The following PTPRM variants were observed in gnomAD, a reference collection of about 807,000 sequenced individuals.
PTPRM encodes receptor-type tyrosine-protein phosphatase mu.
A neutral mutation model predicts 186.7 loss-of-function variants in PTPRM; 47 were observed. That is an observed-to-expected ratio of 0.25 (90% CI 0.20 to 0.32). The LOEUF (loss-of-function observed/expected upper bound fraction) is 0.32, where lower values mean the gene tolerates loss of function less well. Ranked by LOEUF, PTPRM falls within the 10% of genes least tolerant of loss-of-function variation. The pLI is 1.00. For synonymous variants in PTPRM, 668 were observed against 674.9 expected (o/e 0.99, Z 0.16); for missense variants, 1,494 against 1,865.0 (o/e 0.80, Z 3.66).
chr18:8,191,174 T>C (rs2093704424), intron 14 of PTPRM, among the ~76,000 whole-genome samples: 1 of 152,172 alleles, frequency 6.6e-6, no homozygotes, highest in Non-Finnish European at 1.5e-5. Context: ...TTTATGGGCT[T>C]GCCCAGCCAG....
intron 2 of PTPRM, among the ~76,000 whole-genome samples, chr18:7,853,087 A>G (rs753306458): frequency 6.6e-6 from 1 of 151,976 alleles, no homozygotes; most frequent in Non-Finnish European, 1.5e-5. Context: ...AAAAGACATC[A>G]TGTTGCCTAA....
chr18:7,663,372 C>T (rs192042179), intron 1 of PTPRM, among the ~76,000 whole-genome samples: 1 of 152,272 alleles, frequency 6.6e-6, no homozygotes, highest in Admixed American at 6.5e-5. Context: ...GGGCAGTGTT[C>T]TAGGCACTGG....
intron 1 of PTPRM, among the ~76,000 whole-genome samples, chr18:7,713,645 G>T (rs1020917088): frequency 1.3e-5 from 2 of 148,836 alleles, no homozygotes; most frequent in East Asian, 2.0e-4. Context: ...GCAAAAACAC[G>T]CATAGGCTCA....
At chr18:7,842,945 TATAGAG>T (rs1309531436) in intron 2 of PTPRM, among the ~76,000 whole-genome samples, 4 of 115,122 alleles carry the variant, frequency 3.5e-5, no homozygotes, top group Non-Finnish European at 6.7e-5. Context: ...TATATATATA[TATAGAG>T]AGAGAGAGAG....
At chr18:8,181,940 G>C (rs975475361) in intron 14 of PTPRM, among the ~76,000 whole-genome samples, 3 of 152,286 alleles carry the variant, frequency 2.0e-5, no homozygotes, top group South Asian at 2.1e-4. Context: ...TCAATTTTAA[G>C]ATGAAGATGA....
At chr18:8,076,305 T>C in intron 8 of PTPRM, 150 bp from the exon 9 acceptor site, 1 of 590,512 alleles carries the variant, frequency 1.7e-6, no homozygotes, top group Non-Finnish European at 3.0e-6. Flanking sequence ...GCTAAAATTG[T>C]TTAAGATTCC....
chr18:7,996,699 T>C (rs1377408282), intron 7 of PTPRM, among the ~76,000 whole-genome samples: 1 of 150,860 alleles, frequency 6.6e-6, no homozygotes, highest in East Asian at 2.0e-4. Context: ...TGATGCAGGG[T>C]ACAATATCAA....
intron 7 of PTPRM, among the ~76,000 whole-genome samples, chr18:8,009,532 A>AC (rs1243873474): frequency 3.3e-5 from 5 of 151,970 alleles, no homozygotes; most frequent in Admixed American, 6.6e-5. Context: ...ATGTGGTGAG[A>AC]CCCCGTCTCT....
At chr18:8,289,489 C>T (rs1249893618) in intron 19 of PTPRM, among the ~76,000 whole-genome samples, 1 of 128,482 alleles carries the variant, frequency 7.8e-6, no homozygotes, top group African/African-American at 3.0e-5. Context: ...TATATATATA[C>T]ATATATGTAT....
rs1369069857 is a variant in PTPRM at position 7,842,965 on chromosome 18, G to T, written c.197-45141G>T. 4.1e-5 allele frequency among the ~76,000 whole-genome samples: 6 copies of T among 148,116 alleles called. 1 individual carries two copies. Among genetic ancestry groups the T allele is most frequent in the Admixed American group, 3.4e-4 (5 of 14,758 alleles). ...ATATATATAGAGAGAGAGAGAGAGA[G>T]AGAGAGAGAGAGAGATTATATGAGC... On this transcript the variant is annotated intron_variant, in intron 2 of 32. Transcript: ENST00000580170.
chr18:8,320,626 G>A (rs946633235), intron 22 of PTPRM, among the ~76,000 whole-genome samples: 1 of 152,090 alleles, frequency 6.6e-6, no homozygotes, highest in African/African-American at 2.4e-5. Flanking sequence ...AAAGCTTTGG[G>A]GTGGAAAAGC....
chr18:7,841,261 A>G (rs1363552908), intron 2 of PTPRM, among the ~76,000 whole-genome samples: 3 of 109,730 alleles, frequency 2.7e-5, no homozygotes, highest in East Asian at 4.9e-4. Flanking sequence ...AGGTTTGGAC[A>G]TTTTTGGCTC....
Position 7,985,304 on chromosome 18 carries a change from A to G in PTPRM, c.1132+29890A>G, listed in dbSNP as rs62644910. ...ATACACATAAATATATACATATAAT[A>G]GTATATACACATAAATATATACATA... On this transcript the variant is annotated intron_variant, in intron 7 of 32. Transcript: ENST00000580170. Among the ~76,000 whole-genome samples the G allele has an allele frequency of 2.8e-4, 13 of 46,920 alleles. 1 individual carries two copies. Among genetic ancestry groups the G allele is most frequent in the African/African-American group, 1.4e-3 (12 of 8,490 alleles). The allele number at this position is 46,920 out of a possible 152,430, so 30.8% of individuals were successfully genotyped here.
chr18:7,981,249 G>A (rs565415028), intron 7 of PTPRM, among the ~76,000 whole-genome samples: 1 of 152,126 alleles, frequency 6.6e-6, no homozygotes, highest in Admixed American at 6.5e-5. Context: ...GGACAATGGA[G>A]TCGTGCATTC....
chr18:7,981,221 T>G (rs1289691800), intron 7 of PTPRM, among the ~76,000 whole-genome samples: 1 of 151,968 alleles, frequency 6.6e-6, no homozygotes, highest in African/African-American at 2.4e-5. Context: ...TCAGGGAGGC[T>G]TTCCCTAAGC....
intron 1 of PTPRM, among the ~76,000 whole-genome samples, chr18:7,611,470 A>G (rs1003054680): frequency 6.6e-6 from 1 of 152,176 alleles, no homozygotes; most frequent in Non-Finnish European, 1.5e-5. Context: ...TTCTATGTTT[A>G]GATAGACAAA....
At chr18:7,681,024 G>T (rs1319495074) in intron 1 of PTPRM, among the ~76,000 whole-genome samples, 2 of 152,156 alleles carry the variant, frequency 1.3e-5, no homozygotes, top group African/African-American at 2.4e-5. Context: ...AGAAATGTGG[G>T]TGAACAGTGC....
chr18:7,808,299 C>T (rs1033333395), intron 2 of PTPRM, among the ~76,000 whole-genome samples: 13 of 151,916 alleles, frequency 8.6e-5, no homozygotes, highest in African/African-American at 2.7e-4. Context: ...TGGCTGAGGG[C>T]ACAGAGGAGA....
intron 7 of PTPRM, among the ~76,000 whole-genome samples, chr18:8,035,538 T>A (rs1225639179): frequency 6.6e-6 from 1 of 152,238 alleles, no homozygotes; most frequent in Non-Finnish European, 1.5e-5. Context: ...TAAATAGTTC[T>A]TATACTATAT....
Sources: gnomAD v4.1 joint callset for allele counts (sites outside exome capture counted in the v4.1 genomes callset) on GRCh38, gnomAD v4.1.1 for gene constraint, MANE v1.5 for transcripts, NCBI Gene and HGNC (gene_info 2026-07-23, HGNC 2026-07-21) for gene names.